DIAPH2: variants seen among roughly 807,000 people sequenced by gnomAD.
DIAPH2 encodes diaphanous related formin 2.
Under a neutral mutation model 92.7 loss-of-function variants are expected in DIAPH2, and 35 were observed. The ratio of observed to expected loss-of-function variants is 0.38; its 90% CI spans 0.29 to 0.50. The LOEUF is 0.50. Among genes scored for constraint, DIAPH2 ranks in the 20% least tolerant of loss-of-function variants. The pLI is 0.94. For missense variants in DIAPH2, 701 were observed against 819.5 expected (o/e 0.86, Z 1.77); for synonymous variants, 301 against 280.4 (o/e 1.07, Z -0.73).
At chrX:96,694,027 C>A (rs755839244) in intron 1 of DIAPH2, among the ~76,000 whole-genome samples, 1 of 112,478 alleles carries the variant, frequency 8.9e-6, no homozygotes, top group African/African-American at 3.2e-5. Context: ...AAGAGTGAAA[C>A]TTCATTTTGA....
intron 22 of DIAPH2, among the ~76,000 whole-genome samples, chrX:97,233,575 G>A (rs987011037): frequency 1.8e-5 from 2 of 111,623 alleles, no homozygotes; most frequent in African/African-American, 3.3e-5. Flanking sequence ...TTTAGGATGC[G>A]TTTTGGTCAA....
chrX:97,457,087 C>G (rs1002072224), intron 26 of DIAPH2, among the ~76,000 whole-genome samples: 1 of 111,916 alleles, frequency 8.9e-6, no homozygotes, highest in Non-Finnish European at 1.9e-5. Flanking sequence ...GTGGCACTAT[C>G]TCGGCTCACT....
chrX:97,400,703 A>G (rs1219601372), intron 25 of DIAPH2, among the ~76,000 whole-genome samples: 1 of 110,690 alleles, frequency 9.0e-6, no homozygotes, highest in Non-Finnish European at 1.9e-5. Flanking sequence ...GTTGGCAACC[A>G]CCACTCTTTC....
intron 26 of DIAPH2, among the ~76,000 whole-genome samples, chrX:97,575,426 A>C (rs2071394570): frequency 8.9e-6 from 1 of 112,231 alleles, no homozygotes; most frequent in Admixed American, 9.4e-5. Context: ...GACACTAGTC[A>C]TAAGGGATTA....
chrX:96,744,794 G>T (rs1011713569), intron 3 of DIAPH2, among the ~76,000 whole-genome samples: 4 of 111,228 alleles, frequency 3.6e-5, no homozygotes, highest in African/African-American at 1.3e-4. Flanking sequence ...ACTCCTTGTG[G>T]GTGTCTTTCC....
At chrX:96,755,560 G>A (rs763008278) in intron 3 of DIAPH2, among the ~76,000 whole-genome samples, 55 of 110,887 alleles carry the variant, frequency 5.0e-4, no homozygotes, top group South Asian at 1.5e-3. Flanking sequence ...GGCTGAGGGA[G>A]GAGAATCACT....
chrX:97,556,767 C>A (rs2071260185), intron 26 of DIAPH2, among the ~76,000 whole-genome samples: 1 of 112,191 alleles, frequency 8.9e-6, no homozygotes, highest in Non-Finnish European at 1.9e-5. Context: ...CAACAGGTAC[C>A]TTTTTTGTAC....
intron 25 of DIAPH2, among the ~76,000 whole-genome samples, chrX:97,406,041 T>A (rs756892398): frequency 8.9e-6 from 1 of 111,737 alleles, no homozygotes; most frequent in South Asian, 3.8e-4. Flanking sequence ...TAACCTGGTC[T>A]CCTGTGGATA....
intron 22 of DIAPH2, among the ~76,000 whole-genome samples, chrX:97,160,111 G>C (rs1261882508): frequency 1.2e-4 from 13 of 109,871 alleles, no homozygotes; most frequent in Non-Finnish European, 2.3e-4. Flanking sequence ...GGGGCGGGGT[G>C]GGGGCTGGAA....
At chrX:96,791,426 C>A (rs1479186884) in intron 4 of DIAPH2, among the ~76,000 whole-genome samples, 1 of 110,604 alleles carries the variant, frequency 9.0e-6, no homozygotes, top group Non-Finnish European at 1.9e-5. Flanking sequence ...ATACTTCAGC[C>A]ACTTGGGAGG....
At chrX:97,112,765 C>CTTTT (rs60721723) in intron 20 of DIAPH2, among the ~76,000 whole-genome samples, 505 of 37,217 alleles carry the variant, frequency 0.014, 1 homozygote, top group Non-Finnish European at 0.018. Context: ...CCCTTTCTTT[C>CTTTT]TTTTTTTTTT....
intron 18 of DIAPH2, among the ~76,000 whole-genome samples, chrX:97,073,534 A>G (rs1234018395): frequency 1.8e-5 from 2 of 112,305 alleles, no homozygotes; most frequent in African/African-American, 3.2e-5. Flanking sequence ...CCAGTCAGCC[A>G]TTAAGTATAC....
At chrX:96,905,474 T>C (rs2065426828) in intron 5 of DIAPH2, among the ~76,000 whole-genome samples, 1 of 110,898 alleles carries the variant, frequency 9.0e-6, no homozygotes, top group South Asian at 3.9e-4. Context: ...TATAGAAAAT[T>C]TTCCTCGTTT....
At chrX:97,549,946 A>G (rs1007474690) in intron 26 of DIAPH2, among the ~76,000 whole-genome samples, 27 of 113,011 alleles carry the variant, frequency 2.4e-4, no homozygotes, top group Non-Finnish European at 2.1e-4. Context: ...AAGAGCAACA[A>G]TTCAAAATAA....
intron 26 of DIAPH2, among the ~76,000 whole-genome samples, chrX:97,539,635 G>C (rs142862794): frequency 0.011 from 1,180 of 111,719 alleles, 14 homozygotes; most frequent in African/African-American, 0.036. Context: ...CTTTTGACAG[G>C]TTATTTTGTT....
At chrX:96,902,437 T>C (rs1290069996) in intron 5 of DIAPH2, among the ~76,000 whole-genome samples, 2 of 111,621 alleles carry the variant, frequency 1.8e-5, no homozygotes, top group Admixed American at 1.9e-4. Flanking sequence ...GGTCTAGTAG[T>C]AATTGTTTTA....
Position 97,244,938 on chromosome X carries a change from A to C in DIAPH2, c.2720-2777A>C, listed in dbSNP as rs774734938. ...ACCCCGTCTCTACTAAAAATATAAA[A>C]ATTAGCTGGGCGTGGTGGCACATGC... On this transcript the variant is annotated intron_variant, in intron 22 of 26. Coordinates refer to ENST00000324765, the MANE Select transcript of DIAPH2 (RefSeq NM_006729.5). 2.4e-3 allele frequency among the ~76,000 whole-genome samples: 268 copies of C among 110,682 alleles called. 2 individuals carry two copies. The highest frequency in any genetic ancestry group is 8.5e-3 in the African/African-American group (260 of 30,422).
intron 3 of DIAPH2, among the ~76,000 whole-genome samples, chrX:96,741,934 T>C (rs1323114737): frequency 8.9e-6 from 1 of 112,185 alleles, no homozygotes; most frequent in African/African-American, 3.2e-5. Context: ...TGCTCATTCC[T>C]CTTTATGTCC....
At chrX:97,168,640 C>T (rs147631321) in intron 22 of DIAPH2, among the ~76,000 whole-genome samples, 94 of 111,422 alleles carry the variant, frequency 8.4e-4, no homozygotes, top group Admixed American at 4.2e-3. Flanking sequence ...AAACAATAAA[C>T]ACATATGCAA....
Sources: allele counts gnomAD v4.1 joint callset (sites outside exome capture counted in the v4.1 genomes callset), GRCh38; gene constraint gnomAD v4.1.1; transcripts MANE v1.5; gene names NCBI Gene and HGNC (gene_info 2026-07-23, HGNC 2026-07-21).